SYN2: variants seen among roughly 807,000 people sequenced by gnomAD.
The protein encoded by SYN2 is synapsin II.
A neutral mutation model predicts 50.9 loss-of-function variants in SYN2; 19 were observed. The observed-to-expected ratio is 0.37, with a 90% CI of 0.26 to 0.55. The LOEUF (loss-of-function observed/expected upper bound fraction) is 0.55, where lower values mean the gene tolerates loss of function less well. SYN2 is among the 20% of genes least tolerant of loss of function. The probability of loss-of-function intolerance (pLI) is 0.81; values close to 1 mark genes in which losing one functional copy is unlikely to be tolerated. For missense variants in SYN2, 587 were observed against 576.4 expected (o/e 1.02, Z -0.19); for synonymous variants, 255 against 224.9 (o/e 1.13, Z -1.20).
chr3:12,157,409 G>C, intron 5 of SYN2: 1 of 1,614,130 alleles, frequency 6.2e-7, no homozygotes, highest in Non-Finnish European at 8.5e-7. Flanking sequence ...TTTCATACCG[G>C]AGCATTTTTT....
intron 1 of SYN2, among the ~76,000 whole-genome samples, chr3:12,085,146 A>T (rs1695666669): frequency 6.6e-6 from 1 of 151,744 alleles, no homozygotes; most frequent in African/African-American, 2.4e-5. Flanking sequence ...CAAGAGACTC[A>T]CTTCACTGTT....
intron 1 of SYN2, among the ~76,000 whole-genome samples, chr3:12,025,285 A>G (rs1694232572): frequency 6.6e-6 from 1 of 152,178 alleles, no homozygotes; most frequent in Non-Finnish European, 1.5e-5. Flanking sequence ...TGGGAGTGAC[A>G]CAAACATTCA....
At chr3:12,066,399 T>G (rs774345966) in intron 1 of SYN2, among the ~76,000 whole-genome samples, 14 of 152,154 alleles carry the variant, frequency 9.2e-5, no homozygotes, top group Non-Finnish European at 2.1e-4. Context: ...AAAGTCCTAC[T>G]TATGAAAACA....
chr3:12,020,989 C>T (rs992715222), intron 1 of SYN2, among the ~76,000 whole-genome samples: 6 of 152,268 alleles, frequency 3.9e-5, no homozygotes, highest in African/African-American at 1.4e-4. Context: ...TTTGTATTCT[C>T]TTCTAATATT....
chr3:12,146,009 G>A (rs1257614656), intron 4 of SYN2, among the ~76,000 whole-genome samples, 174 bp downstream of exon 4: 2 of 152,188 alleles, frequency 1.3e-5, no homozygotes, highest in African/African-American at 4.8e-5. Flanking sequence ...GAGGATGTGA[G>A]AGGAGCTTCC....
chr3:12,067,104 A>G (rs547957341), intron 1 of SYN2, among the ~76,000 whole-genome samples: 2 of 152,118 alleles, frequency 1.3e-5, no homozygotes, highest in African/African-American at 2.4e-5. Context: ...CTCCCACGAC[A>G]TGTGGGGATT....
intron 1 of SYN2, among the ~76,000 whole-genome samples, chr3:12,065,677 A>G (rs1489884498): frequency 6.6e-6 from 1 of 152,154 alleles, no homozygotes; most frequent in Non-Finnish European, 1.5e-5. Flanking sequence ...AAAGAGGGCA[A>G]CAGTAGACAC....
At chr3:12,008,000 T>C (rs1559383826) in intron 1 of SYN2, among the ~76,000 whole-genome samples, 1 of 152,254 alleles carries the variant, frequency 6.6e-6, no homozygotes, top group Non-Finnish European at 1.5e-5. Context: ...TTATTTATTA[T>C]TAGTATTTTG....
At chr3:12,113,648 T>C (rs1696372037) in intron 1 of SYN2, among the ~76,000 whole-genome samples, 1 of 152,172 alleles carries the variant, frequency 6.6e-6, no homozygotes, top group Non-Finnish European at 1.5e-5. Flanking sequence ...TAATCTACTT[T>C]CTGTTTTATG....
chr3:12,067,069 G>A (rs1180953737), intron 1 of SYN2, among the ~76,000 whole-genome samples: 1 of 152,094 alleles, frequency 6.6e-6, no homozygotes, highest in African/African-American at 2.4e-5. Flanking sequence ...CTGCCCCCAT[G>A]ATGCAAGTAC....
intron 1 of SYN2, among the ~76,000 whole-genome samples, chr3:12,088,086 A>T (rs1695749663): frequency 6.6e-6 from 1 of 152,206 alleles, no homozygotes; most frequent in South Asian, 2.1e-4. Flanking sequence ...CTAACGAAAA[A>T]GCTACTGCAC....
chr3:12,128,070 A>C (rs1229793107), intron 1 of SYN2, among the ~76,000 whole-genome samples: 1 of 151,834 alleles, frequency 6.6e-6, no homozygotes, highest in Non-Finnish European at 1.5e-5. Context: ...CTCAGCTCCT[A>C]AGTAGCTGGG....
intron 5 of SYN2, among the ~76,000 whole-genome samples, chr3:12,155,684 A>T (rs1697434327): frequency 6.6e-6 from 1 of 152,168 alleles, no homozygotes; most frequent in Admixed American, 6.5e-5. Context: ...CACCATTGAT[A>T]ACTTTTCTTA....
intron 4 of SYN2, among the ~76,000 whole-genome samples, chr3:12,148,939 A>G (rs1425891688): frequency 6.6e-6 from 1 of 152,138 alleles, no homozygotes; most frequent in African/African-American, 2.4e-5. Context: ...CCCTTATCAG[A>G]TGTTACATTT....
chr3:12,103,151 T>C (rs1303233137), intron 1 of SYN2, among the ~76,000 whole-genome samples: 4 of 152,144 alleles, frequency 2.6e-5, no homozygotes, highest in Admixed American at 2.6e-4. Flanking sequence ...GGTCCACAGT[T>C]AGTACCTGGC....
chr3:12,183,397 G>A, intron 11 of SYN2, 25 bp downstream of exon 11: 1 of 1,613,754 alleles, frequency 6.2e-7, no homozygotes, highest in Non-Finnish European at 8.5e-7. Context: ...ATTCTCGACT[G>A]TAATGGCATT....
chr3:12,090,613 GAAGT>G (rs1695806312), intron 1 of SYN2, among the ~76,000 whole-genome samples: 1 of 152,156 alleles, frequency 6.6e-6, no homozygotes, highest in Non-Finnish European at 1.5e-5. Flanking sequence ...TGGCAACTTA[GAAGT>G]AAGAGAATGG....
Position 12,154,234 on chromosome 3 carries a change from G to A in SYN2, c.774+2908G>A, listed in dbSNP as rs953239684. Reference sequence around the variant, plus strand: ...CAACTTCATACAGTGCAGATCTCAAGTATAGTCTAGTAAGTGAATAAATTC... The same window carrying A: ...CAACTTCATACAGTGCAGATCTCAAATATAGTCTAGTAAGTGAATAAATTC... On this transcript the variant is annotated intron_variant, in intron 5 of 12. Coordinates refer to ENST00000621198, the MANE Select transcript of SYN2 (RefSeq NM_133625.6). 4.5e-6 allele frequency: 7 copies of A among 1,560,206 alleles called. No individual in the cohort carries two copies. In the Admixed American group the frequency reaches 6.8e-5, roughly 15 times the overall value.
intron 1 of SYN2, among the ~76,000 whole-genome samples, chr3:12,038,033 T>G (rs1027963576): frequency 1.3e-5 from 2 of 152,208 alleles, no homozygotes; most frequent in African/African-American, 4.8e-5. Context: ...AGTTTTATAG[T>G]TTTATCTCTT....
Sources: allele counts gnomAD v4.1 joint callset (sites outside exome capture counted in the v4.1 genomes callset), GRCh38; gene constraint gnomAD v4.1.1; transcripts MANE v1.5; gene names NCBI Gene and HGNC (gene_info 2026-07-23, HGNC 2026-07-21).